Variants in DPH6 observed in about 807,000 individuals in gnomAD.
The protein encoded by DPH6 is diphthamine biosynthesis 6.
A neutral mutation model predicts 38.2 loss-of-function variants in DPH6; 33 were observed. The observed-to-expected ratio is 0.86, with a 90% CI of 0.65 to 1.15. The LOEUF (loss-of-function observed/expected upper bound fraction) is 1.15, where lower values mean the gene tolerates loss of function less well. DPH6 is among the 50% of genes most tolerant of loss of function. The probability of loss-of-function intolerance (pLI) is 0.00; values close to 1 mark genes in which losing one functional copy is unlikely to be tolerated. For synonymous variants in DPH6, 108 were observed against 103.0 expected, an observed-to-expected ratio of 1.05 and a Z score of -0.30; for missense variants, 325 against 320.0, an observed-to-expected ratio of 1.02 and a Z score of -0.12.
intron 3 of DPH6, among the ~76,000 whole-genome samples, chr15:35,241,732 C>A (rs1258154377): frequency 7.0e-6 from 1 of 142,448 alleles, no homozygotes; most frequent in African/African-American, 2.5e-5. Context: ...CTCATTAAAA[C>A]CTAATCACCC....
chr15:35,250,790 G>A (rs73391463), intron 3 of DPH6, among the ~76,000 whole-genome samples: 4,609 of 152,186 alleles, frequency 0.03, 95 homozygotes, highest in African/African-American at 0.048. Context: ...TATTAGAAGT[G>A]CTTTAGCAGA....
chr15:35,394,926 T>C (rs1469619490), intron 6 of DPH6, among the ~76,000 whole-genome samples: 1 of 152,198 alleles, frequency 6.6e-6, no homozygotes, highest in Non-Finnish European at 1.5e-5. Context: ...GGACATAAAG[T>C]TATGTTTGAC....
chr15:35,299,176 C>T lies in DPH6; in HGVS notation n.200+74345G>A, dbSNP rs897078172. On this transcript the variant is annotated intron_variant and non_coding_transcript_variant, in intron 3 of 3. Coordinates refer to the DPH6 transcript ENST00000560386. ...TCGTCAGCTAAGGGAATCAGAACTT[C>T]CCCTGCAGAAAACCCACTGGGAACA... 3.7e-6 allele frequency: 5 copies of T among 1,343,458 alleles called. No individual in the cohort carries two copies. In the East Asian group the frequency reaches 9.2e-5, roughly 25 times the overall value. The allele number at this position is 1,343,458 out of a possible 1,614,324, so 83.2% of individuals were successfully genotyped here. A position where few individuals can be genotyped will look rare whatever the true frequency, so the allele number is the denominator to read the frequency against.
the DPH6 span, among the ~76,000 whole-genome samples, chr15:35,206,359 G>A: frequency 6.6e-6 from 1 of 152,068 alleles, no homozygotes; most frequent in African/African-American, 2.4e-5. Context: ...ATGTCCTTAT[G>A]TCCACAGTTA....
chr15:35,317,012 G>C (rs1358837953), intron 3 of DPH6, among the ~76,000 whole-genome samples: 3 of 152,134 alleles, frequency 2.0e-5, no homozygotes, highest in Non-Finnish European at 4.4e-5. Flanking sequence ...AATCCCAGCT[G>C]TTTGTAAGGC....
At chr15:35,454,611 AAATACAC>A in intron 4 of DPH6, 129 bp downstream of exon 4, 1 of 649,328 alleles carries the variant, frequency 1.5e-6, no homozygotes, top group Non-Finnish European at 2.5e-6. Context: ...TTACTTAGGT[AAATACAC>A]ACATTTAGTT....
intron 3 of DPH6, among the ~76,000 whole-genome samples, chr15:35,532,921 T>C (rs1040317655): frequency 1.3e-5 from 2 of 151,938 alleles, no homozygotes; most frequent in Non-Finnish European, 2.9e-5. Context: ...CTGGTCAACA[T>C]GGCAAAACCC....
intron 5 of DPH6, among the ~76,000 whole-genome samples, chr15:35,413,020 T>A (rs1422287440): frequency 6.7e-6 from 1 of 150,076 alleles, no homozygotes; most frequent in Non-Finnish European, 1.5e-5. Context: ...AGTTCAACAA[T>A]TTTAACAAAT....
Position 35,340,991 on chromosome 15 carries a change from C to T in DPH6, n.208-9914G>A, listed in dbSNP as rs552691813. ...GTATATTTTCCACCTTGGTTCCATT[C>T]TCCCTGTCTTTTATGGGTACCCTGA... On this transcript the variant is annotated intron_variant and non_coding_transcript_variant, in intron 3 of 3. Coordinates refer to the DPH6 transcript ENST00000558973. Among the ~76,000 whole-genome samples, 24 of 152,262 alleles carry T rather than the reference C, an allele frequency of 1.6e-4. 1 individual carries two copies. Among genetic ancestry groups the T allele is most frequent in the Middle Eastern group, 3.4e-3 (1 of 294 alleles).
At chr15:35,216,785 A>C (rs1257063523), downstream of DPH6, among the ~76,000 whole-genome samples, 1 of 152,238 alleles carries the variant, frequency 6.6e-6, no homozygotes, top group Non-Finnish European at 1.5e-5. Context: ...ACCAGTAAAA[A>C]GGTACCACAA....
intron 3 of DPH6, among the ~76,000 whole-genome samples, chr15:35,256,015 C>T (rs75029533): frequency 0.01 from 1,530 of 151,800 alleles, 31 homozygotes; most frequent in African/African-American, 0.036. Context: ...TATATACACA[C>T]CTATATAACA....
At chr15:35,220,060 TG>T (rs1167907493) in exon 4 of DPH6, 4 of 152,218 alleles carry the variant, frequency 2.6e-5, no homozygotes, top group Admixed American at 1.3e-4. Flanking sequence ...ACATTTATTA[TG>T]AAAAATGTCA....
At chr15:35,336,793 A>G (rs1241998699) in intron 3 of DPH6, among the ~76,000 whole-genome samples, 1 of 152,196 alleles carries the variant, frequency 6.6e-6, no homozygotes, top group East Asian at 1.9e-4. Context: ...CCAGGGATGA[A>G]GCCCACTTGA....
intron 4 of DPH6, among the ~76,000 whole-genome samples, chr15:35,454,234 A>C (rs1201333009): frequency 6.6e-6 from 1 of 152,144 alleles, no homozygotes; most frequent in East Asian, 1.9e-4. Flanking sequence ...ACGGGCTAGG[A>C]CGAGGGGAGG....
intron 3 of DPH6, among the ~76,000 whole-genome samples, chr15:35,305,523 T>C (rs965793003): frequency 6.6e-6 from 1 of 151,970 alleles, no homozygotes; most frequent in African/African-American, 2.4e-5. Context: ...AAGTTCATAA[T>C]TGACTTGAGA....
intron 3 of DPH6, among the ~76,000 whole-genome samples, chr15:35,531,611 T>C (rs2055088305): frequency 6.6e-6 from 1 of 152,048 alleles, no homozygotes; most frequent in Non-Finnish European, 1.5e-5. Context: ...ATAGCTGGGA[T>C]TACAGGCACG....
downstream of DPH6, among the ~76,000 whole-genome samples, chr15:35,369,324 A>G (rs1372736402): frequency 6.6e-6 from 1 of 151,870 alleles, no homozygotes; most frequent in East Asian, 1.9e-4. Context: ...ACTACATTCT[A>G]GATATTACTA....
chr15:35,282,273 G>A (rs57904891), intron 3 of DPH6, among the ~76,000 whole-genome samples: 2,917 of 152,224 alleles, frequency 0.019, 87 homozygotes, highest in African/African-American at 0.066. Flanking sequence ...CTGGGCCCAA[G>A]CAATCCTCCT....
chr15:35,496,028 C>T (rs144063288), intron 3 of DPH6, among the ~76,000 whole-genome samples: 76 of 152,216 alleles, frequency 5.0e-4, no homozygotes, highest in African/African-American at 1.7e-3. Flanking sequence ...TCTTAGCTCA[C>T]ATCATACACA....
Sources: allele counts gnomAD v4.1 joint callset (sites outside exome capture counted in the v4.1 genomes callset), GRCh38; gene constraint gnomAD v4.1.1; transcripts MANE v1.5; gene names NCBI Gene and HGNC (gene_info 2026-07-23, HGNC 2026-07-21).